Variants in PRRC2B observed in about 807,000 individuals in gnomAD.
The protein encoded by PRRC2B is proline rich coiled-coil 2B.
In PRRC2B, 68 loss-of-function variants were observed where a neutral mutation model predicts 242.3. That is an observed-to-expected ratio of 0.28 (90% CI 0.23 to 0.34). The LOEUF (loss-of-function observed/expected upper bound fraction) is 0.34, where lower values mean the gene tolerates loss of function less well. PRRC2B is among the 10% of genes least tolerant of loss of function. The probability of loss-of-function intolerance (pLI) is 1.00; values close to 1 mark genes in which losing one functional copy is unlikely to be tolerated. For missense variants in PRRC2B, 2,835 were observed against 2,954.8 expected (o/e 0.96, Z 0.94); for synonymous variants, 1,228 against 1,173.6 (o/e 1.05, Z -0.95).
chr9:131,487,391 C>G lies in PRRC2B; in HGVS notation c.5984+97C>G. 19 of 570,996 alleles carry G rather than the reference C, an allele frequency of 3.3e-5. No homozygotes were observed. Among genetic ancestry groups the G allele is most frequent in the Non-Finnish European group, 4.2e-5 (15 of 356,972 alleles). 35.4% of individuals were successfully genotyped at this position (570,996 alleles called of 1,614,324 possible). ...CCTGCAGCTGTTTGGTGCTTGTCTG[C>G]TTTGGGGCCAGTGGGGCGGGGAGGG... On this transcript the variant is annotated intron_variant, in intron 27 of 31. Coordinates refer to ENST00000683519, the MANE Select transcript of PRRC2B (RefSeq NM_013318.4). The surrounding 1 kb of genome is among the most constrained non-coding windows in gnomAD (Gnocchi z 5.3).
Position 131,462,566 on chromosome 9 carries a change from G to A in PRRC2B, c.1405-2197G>A, listed in dbSNP as rs545864847. ...TTAAGAATTCTCAATTTGGCCAGCC[G>A]CAGTGGCTCACACCTGTAATCCCAG... is the stretch of plus-strand genomic sequence containing the variant. On this transcript the variant is annotated intron_variant, in intron 11 of 31. Coordinates refer to ENST00000683519, the MANE Select transcript of PRRC2B (RefSeq NM_013318.4). Among the ~76,000 whole-genome samples the A allele has an allele frequency of 2.8e-3, 427 of 151,218 alleles. 1 individual carries two copies. The highest frequency in any genetic ancestry group is 5.2e-3 in the Non-Finnish European group (352 of 67,806).
chr9:131,477,805 C>T lies in PRRC2B; in HGVS notation c.4468C>T (p.Pro1490Ser), dbSNP rs542359478. ...SGCSSGSGHS[P>S]YALERAAHAS... Reference sequence around the variant, plus strand: ...CTGCAGCAGTGGGAGTGGCCACTCCCCCTATGCCCTGGAGCGGGCAGCCCA... The same window carrying T: ...CTGCAGCAGTGGGAGTGGCCACTCCTCCTATGCCCTGGAGCGGGCAGCCCA... Residue 1490 changes from proline to serine, a missense_variant, in exon 17 of 32, where the codon CCC becomes TCC. Pro to Ser is a moderately conservative substitution (Grantham distance 74). Transcript: ENST00000683519. 7 of 1,612,684 alleles carry T rather than the reference C, an allele frequency of 4.3e-6. No individual in the cohort carries two copies. The South Asian group carries it at 7.7e-5, about 18-fold the overall frequency.
chr9:131,438,936 T>C (rs1838464360), intron 4 of PRRC2B, 53 bp from the exon 5 acceptor site: 6 of 1,407,108 alleles, frequency 4.3e-6, no homozygotes, highest in African/African-American at 4.2e-5. Flanking sequence ...AGGCTGTTAT[T>C]GTACAGTGGA....
chr9:131,477,809 A>T lies in PRRC2B; in HGVS notation c.4472A>T (p.Tyr1491Phe). 6.2e-7 allele frequency: 1 copy of T among 1,612,246 alleles called. No individual in the cohort carries two copies. Among genetic ancestry groups the T allele is most frequent in the Non-Finnish European group, 8.5e-7 (1 of 1,178,984 alleles). Reference sequence around the variant, plus strand: ...AGCAGTGGGAGTGGCCACTCCCCCTATGCCCTGGAGCGGGCAGCCCATGCC... The same window carrying T: ...AGCAGTGGGAGTGGCCACTCCCCCTTTGCCCTGGAGCGGGCAGCCCATGCC... ...GCSSGSGHSPYALERAAHASA... is the reference protein window; with the variant it reads ...GCSSGSGHSPFALERAAHASA... Residue 1491 changes from tyrosine (Y) to phenylalanine (F), a missense_variant, in exon 17 of 32, where the codon TAT becomes TTT. Physicochemically the swap from Tyr to Phe is conservative, Grantham distance 22. Transcript: ENST00000683519.
intron 1 of PRRC2B, among the ~76,000 whole-genome samples, chr9:131,398,820 A>G (rs1837139114): frequency 1.3e-5 from 2 of 152,176 alleles, no homozygotes; most frequent in South Asian, 4.1e-4. Flanking sequence ...TGCCTCTTAA[A>G]AGAAAAAATT....
chr9:131,477,044 C>T (rs768489924), intron 16 of PRRC2B, among the ~76,000 whole-genome samples: 2 of 152,212 alleles, frequency 1.3e-5, no homozygotes, highest in African/African-American at 2.4e-5. Flanking sequence ...GCCCAGCAAA[C>T]GCAGAGGGGA....
chr9:131,408,812 T>C (rs1330874899), intron 1 of PRRC2B, among the ~76,000 whole-genome samples: 5 of 151,816 alleles, frequency 3.3e-5, no homozygotes, highest in Non-Finnish European at 5.9e-5. Context: ...CTCCGCCTCC[T>C]GGGTTGAAGT....
In PRRC2B at chr9:131,474,773, A is replaced by C; in HGVS notation, c.2644A>C (p.Thr882Pro). Residue 882 changes from threonine to proline, a missense_variant, in exon 16 of 32, where the codon ACA becomes CCA. By Grantham distance (38) the Thr-to-Pro change is conservative. This residue lies in a region of PRRC2B where 1,536 missense variants were observed against 1,483.1 expected (regional missense o/e 1.04). Transcript: ENST00000683519. Reference sequence around the variant, plus strand: ...TAGCCACCAGCCAGAGACCGCTGACACAGCCCATGGTGTTGAGCGGGAGAC... The same window carrying C: ...TAGCCACCAGCCAGAGACCGCTGACCCAGCCCATGGTGTTGAGCGGGAGAC... The part of the protein sequence containing the change: ...DVSHQPETAD[T>P]AHGVERETPR... The C allele has an allele frequency of 6.2e-7, 1 of 1,612,846 alleles. No homozygotes were observed.
rs920773706 is a variant in PRRC2B at position 131,496,206 on chromosome 9, G to A, written c.*332G>A. On this transcript the variant is annotated 3_prime_UTR_variant, in exon 32 of 32. Transcript: ENST00000683519. ...CCCTGTCCTGCCGCGCAGCCAGGGC[G>A]CCTTCTCAGCAGTGCTTCCGGCCCA... 8 of 234,662 alleles carry A rather than the reference G, an allele frequency of 3.4e-5. No individual in the cohort carries two copies. Among genetic ancestry groups the A allele is most frequent in the African/African-American group, 1.3e-4 (6 of 44,746 alleles). The allele number at this position is 234,662 out of a possible 1,614,324, so 14.5% of individuals were successfully genotyped here.
Position 131,432,811 on chromosome 9 carries a change from G to A in PRRC2B, c.293+17G>A. ...CCCAAAGAGGTAAACGGAGGAGGCG[G>A]GTGGTGAGTGGGAGCTGGCGCTCCA... On this transcript the variant is annotated intron_variant, in intron 3 of 31. Transcript: ENST00000683519. The A allele has an allele frequency of 6.2e-7, 1 of 1,612,188 alleles. No individual in the cohort carries two copies. Among genetic ancestry groups the A allele is most frequent in the Non-Finnish European group, 8.5e-7 (1 of 1,178,888 alleles).
At chr9:131,472,565 C>G (rs1943577702) in intron 14 of PRRC2B, among the ~76,000 whole-genome samples, 1 of 149,438 alleles carries the variant, frequency 6.7e-6, no homozygotes, top group Admixed American at 6.7e-5. Flanking sequence ...CAACCTCCAC[C>G]TCCCGGGTTC....
At chr9:131,449,257 T>G (rs1301884639) in intron 9 of PRRC2B, among the ~76,000 whole-genome samples, 1 of 152,180 alleles carries the variant, frequency 6.6e-6, no homozygotes, top group Non-Finnish European at 1.5e-5. Flanking sequence ...GGATTAAGTG[T>G]TTAAGACCTG....
At chr9:131,471,727 A>G (rs577610349) in intron 14 of PRRC2B, among the ~76,000 whole-genome samples, 3 of 152,140 alleles carry the variant, frequency 2.0e-5, no homozygotes, top group Admixed American at 6.5e-5. Flanking sequence ...TTGCTGACCA[A>G]CTCCTGACTT....
intron 1 of PRRC2B, among the ~76,000 whole-genome samples, chr9:131,396,007 CT>C (rs1837044582): frequency 6.6e-6 from 1 of 152,188 alleles, no homozygotes; most frequent in Non-Finnish European, 1.5e-5. Context: ...AAGTGTGTCT[CT>C]TGGAGCCTGC....
intron 1 of PRRC2B, among the ~76,000 whole-genome samples, chr9:131,387,628 T>C (rs1451816010): frequency 2.7e-5 from 4 of 149,874 alleles, no homozygotes; most frequent in Non-Finnish European, 5.9e-5. Flanking sequence ...TCATCCTGCC[T>C]CTCACGGTAC....
intron 1 of PRRC2B, among the ~76,000 whole-genome samples, chr9:131,407,240 G>A (rs541232600): frequency 1.3e-5 from 2 of 152,316 alleles, no homozygotes; most frequent in Non-Finnish European, 2.9e-5. Flanking sequence ...GGAGGGTGGG[G>A]GAAGGGGAAA....
chr9:131,384,744 G>A (rs997666333), intron 1 of PRRC2B, among the ~76,000 whole-genome samples: 6 of 148,438 alleles, frequency 4.0e-5, no homozygotes, highest in Admixed American at 6.7e-5. Flanking sequence ...TAGTAGAGAC[G>A]GGGTTTCACC....
At chr9:131,444,161 A>T (rs777557607) in intron 5 of PRRC2B, 24 bp from the exon 6 acceptor site, 1 of 1,613,298 alleles carries the variant, frequency 6.2e-7, no homozygotes, top group East Asian at 2.2e-5. Context: ...CACTTCCTCC[A>T]TGTCTACCCC....
At chr9:131,426,337 C>CAAAAAAAAAAAAAAAAAA (rs5900939) in intron 1 of PRRC2B, among the ~76,000 whole-genome samples, 3 of 84,486 alleles carry the variant, frequency 3.6e-5, no homozygotes, top group African/African-American at 4.2e-5. Flanking sequence ...AACTCTGTCT[C>CAAAAAAAAAAAAAAAAAA]AAAAAAAAAA....
Sources: gnomAD v4.1 joint callset for allele counts (sites outside exome capture counted in the v4.1 genomes callset) on GRCh38, gnomAD v4.1.1 for gene constraint, gnomAD v4.1.1 regional missense constraint, Gnocchi (gnomAD v3.1) non-coding constraint, MANE v1.5 for transcripts, NCBI Gene and HGNC (gene_info 2026-07-23, HGNC 2026-07-21) for gene names.